Variants in CALCR observed in about 807,000 individuals in gnomAD.
CALCR encodes calcitonin receptor.
A neutral mutation model predicts 59.5 loss-of-function variants in CALCR; 47 were observed. That is an observed-to-expected ratio of 0.79 (90% CI 0.63 to 1.01). CALCR has a LOEUF of 1.01. CALCR is among the 50% of genes least tolerant of loss of function. The pLI is 0.00. For missense variants in CALCR, 566 were observed against 597.1 expected, an observed-to-expected ratio of 0.95 and a Z score of 0.54; for synonymous variants, 213 against 211.3, an observed-to-expected ratio of 1.01 and a Z score of -0.07.
Position 93,574,412 on chromosome 7 carries a change from C to T in CALCR, c.-150G>A, listed in dbSNP as rs1790070604. 6.6e-6 allele frequency: 1 copy of T among 152,108 alleles called. No homozygotes were observed. Among genetic ancestry groups the T allele is most frequent in the Admixed American group, 6.5e-5 (1 of 15,274 alleles). 9.4% of individuals were successfully genotyped at this position (152,108 alleles called of 1,614,324 possible). A position where few individuals can be genotyped will look rare whatever the true frequency, so the allele number is the denominator to read the frequency against. ...CATCTCCTGGGCAGGAGATGTCAGCCGCAGGGTGAGGTGCGGACGTGCGCA... is the reference window on the plus strand; with the variant it reads ...CATCTCCTGGGCAGGAGATGTCAGCTGCAGGGTGAGGTGCGGACGTGCGCA... On this transcript the variant is annotated 5_prime_UTR_variant, in exon 2 of 14. Coordinates refer to ENST00000426151, the MANE Select transcript of CALCR (RefSeq NM_001742.4).
chr7:93,458,790 G>C (rs1422305136), intron 8 of CALCR, among the ~76,000 whole-genome samples: 1 of 151,942 alleles, frequency 6.6e-6, no homozygotes, highest in Non-Finnish European at 1.5e-5. Context: ...AGTCCCTACT[G>C]TTACTAGATT....
At chr7:93,441,558 G>A (rs752762900) in intron 9 of CALCR, 16 of 422,502 alleles carry the variant, frequency 3.8e-5, no homozygotes, top group African/African-American at 6.3e-5. Flanking sequence ...GGCTAAAAGA[G>A]AAAAAAAAAA....
chr7:93,519,785 G>T (rs1204584781), intron 2 of CALCR, among the ~76,000 whole-genome samples: 2 of 151,920 alleles, frequency 1.3e-5, no homozygotes, highest in African/African-American at 4.8e-5. Flanking sequence ...AGTCTCATAA[G>T]AGCTGATGGT....
chr7:93,453,539 A>G (rs1417172281), intron 8 of CALCR, among the ~76,000 whole-genome samples: 3 of 152,072 alleles, frequency 2.0e-5, no homozygotes, highest in Non-Finnish European at 2.9e-5. Flanking sequence ...GCAAACCTCT[A>G]CCATCTCAAT....
intron 2 of CALCR, among the ~76,000 whole-genome samples, chr7:93,527,527 G>A (rs1788696422): frequency 1.3e-5 from 2 of 152,126 alleles, no homozygotes; most frequent in Admixed American, 6.6e-5. Context: ...TACTAGTTTT[G>A]TGATTTTTGA....
intron 9 of CALCR, among the ~76,000 whole-genome samples, chr7:93,440,538 T>C (rs1799878684): frequency 1.1e-5 from 1 of 93,404 alleles, no homozygotes; most frequent in African/African-American, 4.3e-5. Flanking sequence ...TTTTGGTGTG[T>C]GTGTGTCTGT....
chr7:93,449,565 A>G (rs929339626), intron 8 of CALCR, among the ~76,000 whole-genome samples: 4 of 152,056 alleles, frequency 2.6e-5, no homozygotes, highest in Non-Finnish European at 4.4e-5. Flanking sequence ...AGTGAGCAGT[A>G]GTTGCTTATT....
At chr7:93,537,100 T>G (rs954823114) in intron 2 of CALCR, among the ~76,000 whole-genome samples, 1 of 151,762 alleles carries the variant, frequency 6.6e-6, no homozygotes, top group Non-Finnish European at 1.5e-5. Flanking sequence ...CTTGAAATTC[T>G]ATGAAAACAA....
intron 2 of CALCR, among the ~76,000 whole-genome samples, chr7:93,495,078 T>C (rs1449830238): frequency 6.6e-6 from 1 of 151,270 alleles, no homozygotes; most frequent in Non-Finnish European, 1.5e-5. Context: ...TTCAGGAGAA[T>C]AGCTGACCTG....
At position 93,436,140 on chromosome 7, in the gene CALCR, G is replaced by A. The variant is rs910140161; in HGVS notation, c.961C>T (p.Arg321Trp). 23 of 1,613,922 alleles carry A rather than the reference G, an allele frequency of 1.4e-5. No homozygotes were observed. Among genetic ancestry groups the A allele is most frequent in the South Asian group, 2.2e-5 (2 of 91,080 alleles). The change falls in exon 12 of 14, where the codon CGG becomes TGG. Residue 321 changes from arginine (R) to tryptophan (W), a missense_variant. Physicochemically the swap from Arg to Trp is moderately radical, Grantham distance 101 (BLOSUM62 -3). Coordinates refer to ENST00000426151, the MANE Select transcript of CALCR (RefSeq NM_001742.4). ...TCCCTCATTTTGGTCACAAGCACCC[G>A]GACAATGTTGAGCAAAAAGAAGAAA... ...VNFFFLLNIV[R>W]VLVTKMRETH... is the part of the protein sequence containing the mutation.
At position 93,441,645 on chromosome 7, in the gene CALCR, G is replaced by A. The variant is rs547020868; in HGVS notation, c.802+1959C>T. On this transcript the variant is annotated intron_variant, in intron 9 of 13. Coordinates refer to ENST00000426151, the MANE Select transcript of CALCR (RefSeq NM_001742.4). Reference sequence around the variant, plus strand: ...AGCAGGAGAACCTGTTACCTGATGTGGAACCAGCAGGATAGTGATAGCCTG... The same window carrying A: ...AGCAGGAGAACCTGTTACCTGATGTAGAACCAGCAGGATAGTGATAGCCTG... The A allele has an allele frequency of 4.5e-4, 190 of 418,766 alleles. 4 individuals carry two copies. Among genetic ancestry groups the A allele is most frequent in the South Asian group, 3.2e-3 (181 of 55,930 alleles). 25.9% of individuals were successfully genotyped at this position (418,766 alleles called of 1,614,324 possible). A position where few individuals can be genotyped will look rare whatever the true frequency, so the allele number is the denominator to read the frequency against.
chr7:93,537,647 G>A (rs756409464), intron 2 of CALCR, among the ~76,000 whole-genome samples: 1 of 151,576 alleles, frequency 6.6e-6, no homozygotes, highest in Non-Finnish European at 1.5e-5. Context: ...TAACTAGCTT[G>A]TTACAGTGCT....
intron 9 of CALCR, among the ~76,000 whole-genome samples, chr7:93,441,701 C>G (rs1403056252): frequency 1.3e-5 from 2 of 152,056 alleles, no homozygotes; most frequent in African/African-American, 4.8e-5. Flanking sequence ...GTTAAGGAAA[C>G]AGGGTGCAGC....
chr7:93,569,127 C>A (rs537467559), intron 2 of CALCR, among the ~76,000 whole-genome samples: 1 of 152,100 alleles, frequency 6.6e-6, no homozygotes, highest in Non-Finnish European at 1.5e-5. Flanking sequence ...TGATTCTTCC[C>A]TCTGTCACTG....
rs955191083 is a variant in CALCR, at chr7:93,556,422, A to AT, written c.-27+17866dup. Among the ~76,000 whole-genome samples the AT allele has an allele frequency of 7.2e-5, 11 of 151,996 alleles. No individual in the cohort carries two copies. The East Asian group carries it at 9.6e-4, about 13-fold the overall frequency. On this transcript the variant is annotated intron_variant, in intron 2 of 13. Coordinates refer to ENST00000426151, the MANE Select transcript of CALCR (RefSeq NM_001742.4). ...TTTGCTCTAAAATATTTTCCATTAT[A>AT]TTTTTTTCTGATTGCCTTTAACAAA...
intron 2 of CALCR, among the ~76,000 whole-genome samples, chr7:93,550,795 G>C (rs1156581012): frequency 6.6e-6 from 1 of 152,106 alleles, no homozygotes; most frequent in Non-Finnish European, 1.5e-5. Context: ...TGACCTTCTT[G>C]TTGTTTACTT....
intron 3 of CALCR, chr7:93,484,070 A>G (rs1455795918): frequency 6.3e-6 from 3 of 476,094 alleles, no homozygotes; most frequent in Non-Finnish European, 1.4e-5. Context: ...TCAGTCGACA[A>G]ATACTTTGAG....
intron 7 of CALCR, chr7:93,462,126 AT>A: frequency 7.1e-7 from 1 of 1,409,936 alleles, no homozygotes; most frequent in Non-Finnish European, 9.6e-7. Context: ...ATAAAAAGCA[AT>A]TTAAGTAATA....
rs76808282 is a variant in CALCR at position 93,498,351 on chromosome 7, T to C, written c.-26-11344A>G. Reference sequence around the variant, plus strand: ...GGCAACATTAATAAACAAGGAGATCTTAGAGAAATGGTTCAGAATTGTGTG... The same window carrying C: ...GGCAACATTAATAAACAAGGAGATCCTAGAGAAATGGTTCAGAATTGTGTG... On this transcript the variant is annotated intron_variant, in intron 2 of 13. Transcript: ENST00000426151. 7.1e-3 allele frequency among the ~76,000 whole-genome samples: 1,074 copies of C among 151,690 alleles called. 7 individuals are homozygous for C. Among genetic ancestry groups the C allele is most frequent in the African/African-American group, 0.024 (1,007 of 41,486 alleles).
Sources: gnomAD v4.1 joint callset for allele counts (sites outside exome capture counted in the v4.1 genomes callset) on GRCh38, gnomAD v4.1.1 for gene constraint, MANE v1.5 for transcripts, NCBI Gene and HGNC (gene_info 2026-07-23, HGNC 2026-07-21) for gene names.